Variants in CHEK1 observed in about 807,000 individuals in gnomAD.
CHEK1 encodes the protein checkpoint kinase 1, also known as serine/threonine-protein kinase Chk1.
Under a neutral mutation model 60.2 loss-of-function variants are expected in CHEK1, and 32 were observed. The ratio of observed to expected loss-of-function variants is 0.53; its 90% CI spans 0.40 to 0.71. CHEK1 has a LOEUF of 0.71. Ranked by LOEUF, CHEK1 falls within the 30% of genes least tolerant of loss-of-function variation. CHEK1 has a pLI of 0.00. For synonymous variants in CHEK1, 179 were observed against 187.2 expected, an observed-to-expected ratio of 0.96 and a Z score of 0.36; for missense variants, 399 against 564.6, an observed-to-expected ratio of 0.71 and a Z score of 2.97.
At chr11:125,662,474 G>A (rs569766) in intron 13 of CHEK1, among the ~76,000 whole-genome samples, 130,790 of 152,236 alleles carry the variant, frequency 0.86, 56,294 homozygotes, top group South Asian at 0.95. Flanking sequence ...AGACTACAGC[G>A]GTTACATAAA....
At chr11:125,657,246 G>C (rs1941930282), downstream of CHEK1, 1 of 151,820 alleles carries the variant, frequency 6.6e-6, no homozygotes. Context: ...TGGTTGTTGA[G>C]ATAAGCATAA....
chr11:125,629,184 C>T (rs1940755581), intron 3 of CHEK1, 48 bp from the exon 4 acceptor site: 1 of 1,565,992 alleles, frequency 6.4e-7, no homozygotes, highest in Non-Finnish European at 8.8e-7. Flanking sequence ...TATGTGGTTG[C>T]TACCTGATTA....
chr11:125,680,925 A>G, downstream of CHEK1: 4 of 684,866 alleles, frequency 5.8e-6, no homozygotes, highest in South Asian at 1.7e-5. Context: ...TTTCTTCACA[A>G]TGGGTTGGGC....
rs1194524971 is a variant in CHEK1, at chr11:125,655,605, C to G, written c.*285C>G. 1 of 274,734 alleles carries G rather than the reference C, an allele frequency of 3.6e-6. No homozygotes were observed. The highest frequency in any genetic ancestry group is 6.8e-6 in the Non-Finnish European group (1 of 146,984). The allele number at this position is 274,734 out of a possible 1,614,324, so 17.0% of individuals were successfully genotyped here. ...GAATTTGAAACTCATCTGGTGGAAA[C>G]CAAGTTTCAGGGGACATGAGTTTTC... On this transcript the variant is annotated 3_prime_UTR_variant, in exon 13 of 13. Coordinates refer to ENST00000438015, the MANE Select transcript of CHEK1 (RefSeq NM_001114122.3).
intron 5 of CHEK1, 23 bp from the exon 6 acceptor site, chr11:125,633,140 C>A: frequency 6.5e-7 from 1 of 1,545,470 alleles, no homozygotes; most frequent in South Asian, 1.3e-5. Flanking sequence ...TATTCAGTGT[C>A]ATCTTTTTTT....
downstream of CHEK1, among the ~76,000 whole-genome samples, chr11:125,657,753 TACA>T (rs1005340317): frequency 6.6e-6 from 1 of 152,232 alleles, no homozygotes; most frequent in Non-Finnish European, 1.5e-5. Flanking sequence ...TTGGATTGTG[TACA>T]GTTCGATGCT....
chr11:125,660,315 C>T, downstream of CHEK1, among the ~76,000 whole-genome samples: 1 of 152,114 alleles, frequency 6.6e-6, no homozygotes. Context: ...ATCTTTACTG[C>T]TTATACAGTG....
Position 125,644,281 on chromosome 11 carries a change from A to G in CHEK1, c.1101+13A>G. 1 of 1,594,920 alleles carries G rather than the reference A, an allele frequency of 6.3e-7. No homozygotes were observed. Among genetic ancestry groups the G allele is most frequent in the Non-Finnish European group, 8.5e-7 (1 of 1,174,614 alleles). On this transcript the variant is annotated intron_variant, in intron 10 of 12. Coordinates refer to ENST00000438015, the MANE Select transcript of CHEK1 (RefSeq NM_001114122.3). ...AGGATCCTCACAGGTGAGGGAATTT[A>G]ATTTTTTAAAAGTAATGGCAGCTCT...
intron 11 of CHEK1, among the ~76,000 whole-genome samples, chr11:125,646,363 C>G (rs1057308604): frequency 2.6e-5 from 4 of 152,080 alleles, no homozygotes; most frequent in Non-Finnish European, 5.9e-5. Flanking sequence ...TTTCGTTTAT[C>G]CATTCATCCA....
chr11:125,643,629 T>A, intron 8 of CHEK1, 163 bp from the exon 9 acceptor site: 1 of 568,434 alleles, frequency 1.8e-6, no homozygotes. Flanking sequence ...CCATATTTTT[T>A]ATAAAATCAT....
chr11:125,632,164 G>A (rs1194798416), intron 5 of CHEK1, among the ~76,000 whole-genome samples: 1 of 152,036 alleles, frequency 6.6e-6, no homozygotes, highest in African/African-American at 2.4e-5. Flanking sequence ...ATGTTAGTAT[G>A]TATAGATATA....
At chr11:125,665,217 C>A (rs1942077730) in intron 13 of CHEK1, among the ~76,000 whole-genome samples, 1 of 149,244 alleles carries the variant, frequency 6.7e-6, no homozygotes, top group South Asian at 2.1e-4. Flanking sequence ...TATGATGTCT[C>A]CAGCTTTGTT....
At position 125,631,594 on chromosome 11, in the gene CHEK1, A is replaced by G. The variant is rs1326231052; in HGVS notation, c.425-1569A>G. Among the ~76,000 whole-genome samples, 6 of 151,506 alleles carry G rather than the reference A, an allele frequency of 4.0e-5. No individual in the cohort carries two copies. In the South Asian group the frequency reaches 6.3e-4, roughly 16 times the overall value. On this transcript the variant is annotated intron_variant, in intron 5 of 12. Transcript: ENST00000438015. The stretch of plus-strand genomic sequence containing the variant: ...ACTGAAAAGATAATCAACTGGGTGC[A>G]GTAGCTCATGCCTGTAATCCCAGAG...
At chr11:125,673,308 G>C (rs1400028159) in intron 13 of CHEK1, among the ~76,000 whole-genome samples, 1 of 151,462 alleles carries the variant, frequency 6.6e-6, no homozygotes, top group Non-Finnish European at 1.5e-5. Context: ...AGGTTCAAGC[G>C]ATTGTCCTCC....
rs1941428079 is a variant in CHEK1 at position 125,644,525 on chromosome 11, G to A, written c.1115G>A (p.Arg372Gln). The A allele has an allele frequency of 1.2e-6, 2 of 1,613,828 alleles. No homozygotes were observed. Among genetic ancestry groups the A allele is most frequent in the Non-Finnish European group, 8.5e-7 (1 of 1,179,954 alleles). The change falls in exon 11 of 13, where the codon CGG becomes CAG. Residue 372 changes from arginine to glutamine, a missense_variant. Arg to Gln is a conservative substitution (Grantham distance 43). Coordinates refer to ENST00000438015, the MANE Select transcript of CHEK1 (RefSeq NM_001114122.3). Reference sequence around the variant, plus strand: ...TTTGACATGTAGAACCCCTGGCAGCGGTTGGTCAAAAGAATGACACGATTC... The same window carrying A: ...TTTGACATGTAGAACCCCTGGCAGCAGTTGGTCAAAAGAATGACACGATTC... ...TPGSSQNPWQRLVKRMTRFFT... is the reference protein window; with the variant it reads ...TPGSSQNPWQQLVKRMTRFFT...
At chr11:125,636,469 A>G (rs1941079356) in intron 7 of CHEK1, among the ~76,000 whole-genome samples, 1 of 152,164 alleles carries the variant, frequency 6.6e-6, no homozygotes, top group South Asian at 2.1e-4. Flanking sequence ...AATCCCCAGA[A>G]GCAAAATTGC....
rs1373586453 is a variant in CHEK1 at position 125,653,224 on chromosome 11, T to C, written c.1234-522T>C. Among the ~76,000 whole-genome samples, 3 of 152,154 alleles carry C rather than the reference T, an allele frequency of 2.0e-5. No homozygotes were observed. Among genetic ancestry groups the C allele is most frequent in the Non-Finnish European group, 4.4e-5 (3 of 68,008 alleles). ...CATCTGTTTGCTTGGCTTTTTGTTT[T>C]GTTTTTTTGAGACAGGGTCTCGCTC... On this transcript the variant is annotated intron_variant, in intron 11 of 12. Transcript: ENST00000438015. This position sits in a 1 kb window ranked among gnomAD's most constrained non-coding sequence, Gnocchi z 4.3.
At position 125,664,331 on chromosome 11, in the gene CHEK1, T is replaced by G. The variant is rs1942063106; in HGVS notation, c.*27+8984T>G. On this transcript the variant is annotated intron_variant, in intron 13 of 13. Coordinates refer to the CHEK1 transcript ENST00000428830. ...TCACTGCAACCTCCACCTCCTGGGT[T>G]CAAGCAATTCTCCTACCTCAGCCTC... 3.3e-5 allele frequency among the ~76,000 whole-genome samples: 5 copies of G among 151,036 alleles called. No individual in the cohort carries two copies. The South Asian group carries it at 1.1e-3, about 32-fold the overall frequency.
At chr11:125,626,620 T>A in intron 1 of CHEK1, 129 bp from the exon 2 acceptor site, 1 of 735,500 alleles carries the variant, frequency 1.4e-6, no homozygotes, top group Admixed American at 2.4e-5. Context: ...CTTGGATAAA[T>A]GTGGATGAGA....
Sources: gnomAD v4.1 joint callset for allele counts (sites outside exome capture counted in the v4.1 genomes callset) on GRCh38, gnomAD v4.1.1 for gene constraint, Gnocchi (gnomAD v3.1) non-coding constraint, MANE v1.5 for transcripts, NCBI Gene and HGNC (gene_info 2026-07-23, HGNC 2026-07-21) for gene names.